Variants in COL24A1 observed in about 807,000 individuals in gnomAD.
COL24A1 encodes collagen alpha-1(XXIV) chain.
A neutral mutation model predicts 253.9 loss-of-function variants in COL24A1; 224 were observed. The observed-to-expected ratio is 0.88, with a 90% confidence interval of 0.79 to 0.99. The LOEUF (loss-of-function observed/expected upper bound fraction) is 0.99, where lower values mean the gene tolerates loss of function less well. Among genes scored for constraint, COL24A1 ranks in the 50% least tolerant of loss-of-function variants. The probability of loss-of-function intolerance (pLI) is 0.00; values close to 1 mark genes in which losing one functional copy is unlikely to be tolerated. For synonymous variants in COL24A1, 685 were observed against 673.7 expected (o/e 1.02, Z -0.26); for missense variants, 2,131 against 2,068.5 (o/e 1.03, Z -0.59).
Position 85,730,435 on chromosome 1 carries a change from A to G in COL24A1, c.*111T>C. ...TTCTTCCTGAGATTCTTTAAGATTT[A>G]GCCAATGCTTTATTACATGCATTTC... On this transcript the variant is annotated 3_prime_UTR_variant, in exon 60 of 60. Transcript: ENST00000370571. 8.6e-7 allele frequency: 1 copy of G among 1,168,460 alleles called. No individual in the cohort carries two copies. The highest frequency in any genetic ancestry group is 1.2e-6 in the Non-Finnish European group (1 of 833,942). 72.4% of individuals were successfully genotyped at this position (1,168,460 alleles called of 1,614,324 possible).
intron 47 of COL24A1, among the ~76,000 whole-genome samples, chr1:85,798,857 A>G (rs1387595968): frequency 6.6e-6 from 1 of 152,174 alleles, no homozygotes; most frequent in Non-Finnish European, 1.5e-5. Context: ...CTCTTTTCCA[A>G]TGACCAGTTT....
intron 58 of COL24A1, among the ~76,000 whole-genome samples, chr1:85,735,983 T>C (rs1664008324): frequency 6.6e-6 from 1 of 152,150 alleles, no homozygotes; most frequent in South Asian, 2.1e-4. Flanking sequence ...ATAAGGAACA[T>C]TAGAATTTAA....
chr1:86,112,607 G>T lies in COL24A1; in HGVS notation c.1559C>A (p.Pro520Gln). Reference protein sequence around the residue: ...GKRGPRGIPGPHGNPGLPGLP... With the variant: ...GKRGPRGIPGQHGNPGLPGLP... Reference sequence around the variant, plus strand: ...TCCAGGTAAACCAGGATTTCCATGTGGCCCTGGTATGCCCTGCAAGTAACG... The same window carrying T: ...TCCAGGTAAACCAGGATTTCCATGTTGCCCTGGTATGCCCTGCAAGTAACG... Residue 520 changes from proline (P) to glutamine (Q), a missense_variant, in exon 5 of 60, where the codon CCA (proline) becomes CAA (glutamine). Coordinates refer to ENST00000370571, the MANE Select transcript of COL24A1 (RefSeq NM_152890.7). 1.2e-6 allele frequency: 2 copies of T among 1,613,082 alleles called. No homozygotes were observed. The highest frequency in any genetic ancestry group is 8.5e-7 in the Non-Finnish European group (1 of 1,179,414).
intron 5 of COL24A1, among the ~76,000 whole-genome samples, chr1:86,104,259 T>A (rs1459747297): frequency 6.6e-6 from 1 of 152,228 alleles, no homozygotes; most frequent in Non-Finnish European, 1.5e-5. Context: ...CTGGCTATTT[T>A]GCCTGTCAGC....
chr1:85,922,532 A>T (rs959960401), intron 24 of COL24A1, among the ~76,000 whole-genome samples: 46 of 152,252 alleles, frequency 3.0e-4, no homozygotes, highest in African/African-American at 9.9e-4. Context: ...CTTAAAGAAA[A>T]GAATTTTCAA....
Position 85,997,657 on chromosome 1 carries a change from C to T in COL24A1, c.2311-10003G>A, listed in dbSNP as rs112539244. Among the ~76,000 whole-genome samples the T allele has an allele frequency of 6.9e-3, 1,051 of 152,012 alleles. 8 individuals carry two copies. Among genetic ancestry groups the T allele is most frequent in the Admixed American group, 0.013 (205 of 15,258 alleles). ...AATTAGCTGGGTGCGGTGACATGCG[C>T]CTGTAGTCCCAACTACTCAGAGGCT... On this transcript the variant is annotated intron_variant, in intron 19 of 59. Transcript: ENST00000370571.
At chr1:86,033,758 T>C (rs1351415864) in intron 13 of COL24A1, 112 bp downstream of exon 13, 4 of 956,464 alleles carry the variant, frequency 4.2e-6, no homozygotes, top group East Asian at 2.9e-5. Context: ...GGTGTGGAGA[T>C]TGTTTTTCCA....
intron 24 of COL24A1, among the ~76,000 whole-genome samples, chr1:85,960,134 A>C (rs1690871623): frequency 6.6e-6 from 1 of 151,946 alleles, no homozygotes; most frequent in Non-Finnish European, 1.5e-5. Flanking sequence ...AAAAATGGGC[A>C]TCAGAAATGT....
At chr1:85,791,325 T>A (rs1670251453) in intron 47 of COL24A1, among the ~76,000 whole-genome samples, 1 of 152,032 alleles carries the variant, frequency 6.6e-6, no homozygotes, top group Non-Finnish European at 1.5e-5. Flanking sequence ...TAACTGCAAG[T>A]GAGAATATTT....
intron 7 of COL24A1, among the ~76,000 whole-genome samples, chr1:86,075,517 G>C (rs1410476663): frequency 6.6e-6 from 1 of 152,160 alleles, no homozygotes; most frequent in Non-Finnish European, 1.5e-5. Context: ...AATAGAAAAA[G>C]AGGGACTCCT....
chr1:85,875,957 G>C (rs1681116714), intron 33 of COL24A1, among the ~76,000 whole-genome samples: 1 of 151,988 alleles, frequency 6.6e-6, no homozygotes, highest in South Asian at 2.1e-4. Flanking sequence ...AACATGCTAT[G>C]TGTGCCCCTC....
intron 12 of COL24A1, among the ~76,000 whole-genome samples, chr1:86,046,280 A>G (rs976664404): frequency 1.3e-5 from 2 of 152,006 alleles, no homozygotes; most frequent in African/African-American, 4.8e-5. Context: ...TCTGGACCAC[A>G]TTTTTCTCAT....
At chr1:86,012,255 A>G (rs1206190920) in intron 19 of COL24A1, among the ~76,000 whole-genome samples, 1 of 152,226 alleles carries the variant, frequency 6.6e-6, no homozygotes, top group East Asian at 1.9e-4. Flanking sequence ...ATTCATTCAA[A>G]TAAGTTCTCT....
chr1:86,107,083 G>A (rs926521484), intron 5 of COL24A1, among the ~76,000 whole-genome samples: 19 of 152,160 alleles, frequency 1.2e-4, no homozygotes, highest in African/African-American at 4.6e-4. Context: ...AAGTCTTTAA[G>A]TTAGGTAACC....
chr1:85,915,511 G>A (rs181121231), intron 24 of COL24A1, among the ~76,000 whole-genome samples: 257 of 152,156 alleles, frequency 1.7e-3, no homozygotes, highest in African/African-American at 5.9e-3. Context: ...TCTATATCCT[G>A]TTGGTTCTGT....
chr1:85,742,862 G>A (rs932818327), intron 57 of COL24A1, among the ~76,000 whole-genome samples: 2 of 152,100 alleles, frequency 1.3e-5, no homozygotes, highest in Non-Finnish European at 2.9e-5. Flanking sequence ...ACCTTAAGAA[G>A]TAGGATATAA....
chr1:85,879,205 T>C (rs1056629979), intron 32 of COL24A1, among the ~76,000 whole-genome samples: 2 of 151,888 alleles, frequency 1.3e-5, no homozygotes, highest in Non-Finnish European at 2.9e-5. Context: ...AGGAGTTTTA[T>C]GGCTTTGTTT....
At chr1:86,114,552 G>A (rs1705938821) in intron 4 of COL24A1, among the ~76,000 whole-genome samples, 2 of 152,082 alleles carry the variant, frequency 1.3e-5, no homozygotes, top group South Asian at 4.1e-4. Flanking sequence ...CAACTACAGA[G>A]AATTTTTTTT....
chr1:86,120,067 G>T (rs1706580915), intron 3 of COL24A1, among the ~76,000 whole-genome samples: 2 of 152,152 alleles, frequency 1.3e-5, no homozygotes, highest in Non-Finnish European at 2.9e-5. Flanking sequence ...AATAAATGAT[G>T]TTGGGAAAAC....
Sources: gnomAD v4.1 joint callset for allele counts (sites outside exome capture counted in the v4.1 genomes callset) on GRCh38, gnomAD v4.1.1 for gene constraint, MANE v1.5 for transcripts, NCBI Gene and HGNC (gene_info 2026-07-23, HGNC 2026-07-21) for gene names.